Variants in L3MBTL4 observed in about 807,000 individuals in gnomAD.
L3MBTL4 encodes L3MBTL histone methyl-lysine binding protein 4.
In L3MBTL4, 70 loss-of-function variants were observed where a neutral mutation model predicts 84.5. The ratio of observed to expected loss-of-function variants is 0.83; its 90% CI spans 0.68 to 1.01. L3MBTL4 has a LOEUF of 1.01. L3MBTL4 is among the 50% of genes least tolerant of loss of function. L3MBTL4 has a pLI of 0.00. For missense variants in L3MBTL4, 715 were observed against 754.8 expected (o/e 0.95, Z 0.62); for synonymous variants, 274 against 259.8 (o/e 1.05, Z -0.52).
At chr18:6,305,404 G>A (rs1383191490) in intron 3 of L3MBTL4, among the ~76,000 whole-genome samples, 1 of 152,094 alleles carries the variant, frequency 6.6e-6, no homozygotes, top group Non-Finnish European at 1.5e-5. Context: ...TCTTTCTTCT[G>A]TCTAGCTAAT....
intron 14 of L3MBTL4, among the ~76,000 whole-genome samples, chr18:6,137,204 A>C (rs138000197): frequency 6.6e-6 from 1 of 152,274 alleles, no homozygotes; most frequent in East Asian, 1.9e-4. Context: ...TCACAGTCTG[A>C]GTCCCACAGA....
intron 17 of L3MBTL4, among the ~76,000 whole-genome samples, chr18:5,969,100 C>G (rs2052501643): frequency 6.6e-6 from 1 of 152,106 alleles, no homozygotes; most frequent in Non-Finnish European, 1.5e-5. Context: ...GAGGCTTAAG[C>G]CCCTCTGCTT....
At chr18:6,042,454 T>C (rs1165818235) in intron 16 of L3MBTL4, among the ~76,000 whole-genome samples, 1 of 152,018 alleles carries the variant, frequency 6.6e-6, no homozygotes, top group Middle Eastern at 3.2e-3. Flanking sequence ...TCTCAGCCAC[T>C]TCCATACCTC....
chr18:6,291,447 T>C (rs2049861154), intron 4 of L3MBTL4, among the ~76,000 whole-genome samples: 2 of 152,084 alleles, frequency 1.3e-5, no homozygotes, highest in African/African-American at 4.8e-5. Context: ...ACTTCAAAAT[T>C]TACTATAAAA....
intron 5 of L3MBTL4, among the ~76,000 whole-genome samples, chr18:6,254,117 G>C (rs1381796338): frequency 3.3e-5 from 5 of 152,018 alleles, no homozygotes; most frequent in Non-Finnish European, 7.4e-5. Context: ...GGTGCAAATG[G>C]ATATAAGCAT....
chr18:6,332,089 C>T (rs537187517), intron 1 of L3MBTL4, among the ~76,000 whole-genome samples: 15 of 152,188 alleles, frequency 9.9e-5, no homozygotes, highest in Non-Finnish European at 2.2e-4. Flanking sequence ...CAGGGAAAGG[C>T]TCTTCTCACC....
chr18:5,993,013 G>A (rs2145168656), intron 16 of L3MBTL4, among the ~76,000 whole-genome samples: 1 of 152,328 alleles, frequency 6.6e-6, no homozygotes, highest in African/African-American at 2.4e-5. Context: ...TGGGGGCACA[G>A]ATGATGGGTT....
In L3MBTL4 at chr18:5,980,430, C is replaced by CTTTTT. The variant is rs10664833; in HGVS notation, c.1445-10873_1445-10869dup. 8.9e-4 allele frequency among the ~76,000 whole-genome samples: 109 copies of CTTTTT among 123,014 alleles called. 8 individuals are homozygous for CTTTTT. The highest frequency in any genetic ancestry group is 3.5e-3 in the East Asian group (13 of 3,750). The allele number at this position is 123,014 out of a possible 152,430, so 80.7% of individuals were successfully genotyped here. A position where few individuals can be genotyped will look rare whatever the true frequency, so the allele number is the denominator to read the frequency against. ...AAACGTATAAATAAATTAGTTTGCGCTTTTTTTTTTTTTTTTTTGAGATGG... is the reference window on the plus strand; with the variant it reads ...AAACGTATAAATAAATTAGTTTGCGCTTTTTTTTTTTTTTTTTTTTTTTGAGATGG... On this transcript the variant is annotated intron_variant, in intron 16 of 18. Transcript: ENST00000317931.
At chr18:6,084,503 A>G (rs2058193022) in intron 15 of L3MBTL4, among the ~76,000 whole-genome samples, 1 of 152,172 alleles carries the variant, frequency 6.6e-6, no homozygotes, top group South Asian at 2.1e-4. Flanking sequence ...CTGCCACAAT[A>G]ACTGTGTTTA....
At chr18:6,346,384 A>G (rs2052907011) in intron 1 of L3MBTL4, among the ~76,000 whole-genome samples, 1 of 151,946 alleles carries the variant, frequency 6.6e-6, no homozygotes. Flanking sequence ...AAAGGAAATC[A>G]ATCACCAAAA....
At chr18:6,372,951 G>C (rs752610368) in intron 1 of L3MBTL4, among the ~76,000 whole-genome samples, 2 of 152,168 alleles carry the variant, frequency 1.3e-5, no homozygotes, top group African/African-American at 4.8e-5. Flanking sequence ...ACAATCAATG[G>C]TTGTTAAGTG....
intron 13 of L3MBTL4, among the ~76,000 whole-genome samples, chr18:6,160,239 A>G (rs2043269048): frequency 6.6e-6 from 1 of 152,216 alleles, no homozygotes; most frequent in African/African-American, 2.4e-5. Flanking sequence ...TTAAAAGAGG[A>G]GCCGGCGTTC....
intron 16 of L3MBTL4, among the ~76,000 whole-genome samples, chr18:6,045,721 C>T (rs997441122): frequency 1.3e-5 from 2 of 152,232 alleles, no homozygotes; most frequent in South Asian, 2.1e-4. Context: ...AAGGACACAG[C>T]CAAACTACAT....
intron 16 of L3MBTL4, among the ~76,000 whole-genome samples, chr18:6,058,930 T>C (rs1044699840): frequency 5.3e-5 from 8 of 152,220 alleles, no homozygotes; most frequent in African/African-American, 1.9e-4. Flanking sequence ...AAAAATACTG[T>C]GCAGTGTTGG....
intron 4 of L3MBTL4, among the ~76,000 whole-genome samples, chr18:6,285,549 T>C (rs549034802): frequency 1.3e-5 from 2 of 152,112 alleles, no homozygotes; most frequent in South Asian, 4.2e-4. Flanking sequence ...AATTGGGCCA[T>C]TCTTGTCATT....
intron 16 of L3MBTL4, among the ~76,000 whole-genome samples, chr18:6,018,126 A>G (rs522232): frequency 0.8 from 121,116 of 152,034 alleles, 48,579 homozygotes; most frequent in Admixed American, 0.85. Flanking sequence ...GGAAGAGGAG[A>G]CTCACGGTAG....
intron 12 of L3MBTL4, among the ~76,000 whole-genome samples, chr18:6,180,178 C>T (rs992873693): frequency 1.1e-4 from 17 of 152,074 alleles, no homozygotes; most frequent in Admixed American, 5.2e-4. Context: ...ATTAACTCCA[C>T]ATTCAGTCCA....
At chr18:6,359,248 T>C (rs1024962732) in intron 1 of L3MBTL4, among the ~76,000 whole-genome samples, 4 of 152,170 alleles carry the variant, frequency 2.6e-5, no homozygotes, top group African/African-American at 9.7e-5. Context: ...TCAACTGAGG[T>C]CAGGAGTTCA....
At chr18:6,029,331 T>C in intron 16 of L3MBTL4, 2 of 482,656 alleles carry the variant, frequency 4.1e-6, no homozygotes, top group Non-Finnish European at 5.4e-6. Context: ...ATTAAGATAT[T>C]TCAGTTCAAG....
Sources: allele counts gnomAD v4.1 joint callset (sites outside exome capture counted in the v4.1 genomes callset), GRCh38; gene constraint gnomAD v4.1.1; transcripts MANE v1.5; gene names NCBI Gene and HGNC (gene_info 2026-07-23, HGNC 2026-07-21).